Variants in PASD1 observed in about 807,000 individuals in gnomAD.
The protein encoded by PASD1 is circadian clock protein PASD1.
Under a neutral mutation model 58.8 loss-of-function variants are expected in PASD1, and 13 were observed. That is an observed-to-expected ratio of 0.22 (90% CI 0.14 to 0.35). PASD1 has a LOEUF of 0.35. PASD1 is among the 10% of genes least tolerant of loss of function. The pLI is 1.00. For synonymous variants in PASD1, 236 were observed against 216.7 expected (o/e 1.09, Z -0.78); for missense variants, 734 against 568.3 (o/e 1.29, Z -2.96).
At chrX:151,617,688 G>T (rs2013653772) in intron 4 of PASD1, among the ~76,000 whole-genome samples, 1 of 111,785 alleles carries the variant, frequency 8.9e-6, no homozygotes, top group African/African-American at 3.2e-5. Context: ...ACAGGAACTG[G>T]TCCAGTAGCA....
intron 1 of PASD1, among the ~76,000 whole-genome samples, chrX:151,570,925 G>A (rs896046486): frequency 8.9e-6 from 1 of 111,998 alleles, no homozygotes; most frequent in African/African-American, 3.2e-5. Context: ...ACACTGCCAG[G>A]TTGGAGAATG....
intron 4 of PASD1, among the ~76,000 whole-genome samples, chrX:151,618,297 T>A (rs1038962098): frequency 2.7e-5 from 3 of 112,181 alleles, no homozygotes; most frequent in Non-Finnish European, 5.6e-5. Flanking sequence ...AAATAGTGAC[T>A]GTAGATTATT....
intron 1 of PASD1, among the ~76,000 whole-genome samples, chrX:151,580,201 A>G (rs1333034272): frequency 3.6e-5 from 4 of 112,308 alleles, no homozygotes; most frequent in Non-Finnish European, 7.5e-5. Flanking sequence ...TTATCTATTT[A>G]CAAGTCTGAT....
At chrX:151,653,612 G>T (rs190179409) in intron 9 of PASD1, among the ~76,000 whole-genome samples, 3 of 109,992 alleles carry the variant, frequency 2.7e-5, no homozygotes, top group Non-Finnish European at 3.8e-5. Context: ...CATTAACTAA[G>T]ATGGGAAAAA....
intron 1 of PASD1, among the ~76,000 whole-genome samples, chrX:151,583,921 T>C (rs747289792): frequency 8.9e-6 from 1 of 112,490 alleles, no homozygotes; most frequent in Admixed American, 9.4e-5. Flanking sequence ...AAAAATTTAC[T>C]GATAGTTCTA....
intron 8 of PASD1, among the ~76,000 whole-genome samples, chrX:151,644,986 G>T (rs776484593): frequency 9.0e-6 from 1 of 110,819 alleles, no homozygotes; most frequent in South Asian, 3.8e-4. Context: ...CTTCAGGAGA[G>T]GTGGGCTTTG....
At chrX:151,659,908 T>C in intron 10 of PASD1, 72 bp downstream of exon 10, 1 of 1,028,027 alleles carries the variant, frequency 9.7e-7, no homozygotes, top group South Asian at 2.3e-5. Flanking sequence ...GTTACAGTTT[T>C]TCAAATGAAT....
At chrX:151,576,277 A>G (rs973710235) in intron 1 of PASD1, among the ~76,000 whole-genome samples, 13 of 111,650 alleles carry the variant, frequency 1.2e-4, no homozygotes, top group Non-Finnish European at 2.1e-4. Flanking sequence ...AAGTGTTGGG[A>G]TTGTAGGCGT....
intron 1 of PASD1, among the ~76,000 whole-genome samples, chrX:151,584,332 T>G (rs1367581385): frequency 1.8e-5 from 2 of 112,154 alleles, no homozygotes; most frequent in Non-Finnish European, 1.9e-5. Flanking sequence ...AAACATTAAG[T>G]TCTACAGGCT....
intron 9 of PASD1, among the ~76,000 whole-genome samples, chrX:151,653,077 A>G (rs1358939279): frequency 9.0e-6 from 1 of 110,614 alleles, no homozygotes; most frequent in African/African-American, 3.3e-5. Flanking sequence ...TTAGGAGGCT[A>G]TCCCAGCAGT....
At chrX:151,615,540 A>G (rs767358268) in intron 4 of PASD1, among the ~76,000 whole-genome samples, 7 of 112,070 alleles carry the variant, frequency 6.2e-5, no homozygotes, top group Non-Finnish European at 9.4e-5. Context: ...TTGAATCCCA[A>G]CTGTTCTTAA....
intron 8 of PASD1, among the ~76,000 whole-genome samples, chrX:151,642,864 G>GC (rs2014014350): frequency 9.0e-6 from 1 of 111,580 alleles, no homozygotes; most frequent in South Asian, 3.8e-4. Flanking sequence ...GCTGAATTGA[G>GC]CAGGGGACAA....
At chrX:151,605,794 C>T (rs1290490578) in intron 3 of PASD1, among the ~76,000 whole-genome samples, 2 of 111,045 alleles carry the variant, frequency 1.8e-5, no homozygotes, top group Non-Finnish European at 3.8e-5. Context: ...CACTCTGTCA[C>T]CCAGGCTGGT....
At chrX:151,568,570 T>C (rs147161590) in intron 1 of PASD1, among the ~76,000 whole-genome samples, 1,156 of 112,455 alleles carry the variant, frequency 0.01, 17 homozygotes, top group African/African-American at 0.035. Flanking sequence ...TCTTTCTGCA[T>C]TGATATTTAA....
intron 2 of PASD1, among the ~76,000 whole-genome samples, chrX:151,604,008 T>C (rs1440350243): frequency 8.1e-5 from 9 of 111,120 alleles, no homozygotes. Context: ...GCTAGTGAAG[T>C]TAGTGGAGTA....
intron 2 of PASD1, 83 bp downstream of exon 2, chrX:151,601,664 A>T (rs2013419096): frequency 9.9e-7 from 1 of 1,007,684 alleles, no homozygotes; most frequent in Non-Finnish European, 1.4e-6. Flanking sequence ...GCAAAATGCT[A>T]CTTCCTCAGG....
At chrX:151,573,030 T>G (rs865860467) in intron 1 of PASD1, among the ~76,000 whole-genome samples, 6 of 49,573 alleles carry the variant, frequency 1.2e-4, no homozygotes, top group South Asian at 2.1e-3. Context: ...TGACGGGGGG[T>G]GGGGGAAGGG....
intron 4 of PASD1, among the ~76,000 whole-genome samples, chrX:151,619,836 A>T (rs1275553135): frequency 8.9e-6 from 1 of 111,759 alleles, no homozygotes; most frequent in Non-Finnish European, 1.9e-5. Context: ...TTTTGTTCCA[A>T]AGTGGACCAG....
intron 1 of PASD1, among the ~76,000 whole-genome samples, chrX:151,595,546 G>A (rs1380011821): frequency 9.4e-6 from 1 of 106,696 alleles, no homozygotes; most frequent in African/African-American, 3.4e-5. Context: ...GTGAAACCCC[G>A]TCTCTACTAA....
Sources: gnomAD v4.1 joint callset for allele counts (sites outside exome capture counted in the v4.1 genomes callset) on GRCh38, gnomAD v4.1.1 for gene constraint, MANE v1.5 for transcripts, NCBI Gene and HGNC (gene_info 2026-07-23, HGNC 2026-07-21) for gene names.